Variants in ZNF385C observed in about 807,000 individuals in gnomAD.
ZNF385C encodes the protein CTD-2132N18.2.
A neutral mutation model predicts 35.4 loss-of-function variants in ZNF385C; 28 were observed. The ratio of observed to expected loss-of-function variants is 0.79; its 90% CI spans 0.59 to 1.08. ZNF385C has a LOEUF of 1.08. Among genes scored for constraint, ZNF385C ranks in the 50% least tolerant of loss-of-function variants. The pLI is 0.00. For missense variants in ZNF385C, 605 were observed against 595.6 expected, an observed-to-expected ratio of 1.02 and a Z score of -0.16; for synonymous variants, 248 against 248.2, an observed-to-expected ratio of 1.00 and a Z score of 0.01.
intron 2 of ZNF385C, among the ~76,000 whole-genome samples, chr17:42,041,784 C>T (rs1043008777): frequency 2.6e-5 from 4 of 152,144 alleles, no homozygotes; most frequent in Non-Finnish European, 4.4e-5. Flanking sequence ...ACCTCCAACC[C>T]AGCCCATAGG....
chr17:42,083,499 G>T (rs1383266462), intron 1 of ZNF385C, among the ~76,000 whole-genome samples: 2 of 151,702 alleles, frequency 1.3e-5, no homozygotes, highest in Non-Finnish European at 2.9e-5. Flanking sequence ...GAGCCACCGC[G>T]CCTGGCCATA....
At chr17:42,046,140 G>A (rs1278259596) in intron 2 of ZNF385C, among the ~76,000 whole-genome samples, 2 of 152,134 alleles carry the variant, frequency 1.3e-5, no homozygotes, top group South Asian at 2.1e-4. Context: ...CTCCCTATGC[G>A]TGAGTCTTCA....
chr17:42,066,862 T>TG (rs2053554335), intron 1 of ZNF385C, among the ~76,000 whole-genome samples: 1 of 150,226 alleles, frequency 6.7e-6, no homozygotes, highest in Admixed American at 6.7e-5. Context: ...AGATCAGGAG[T>TG]TCAAGACCAG....
Position 42,031,847 on chromosome 17 carries a change from C to T in ZNF385C, c.511-63G>A. On this transcript the variant is annotated intron_variant, in intron 4 of 8. Coordinates refer to ENST00000692273, the MANE Select transcript of ZNF385C (RefSeq NM_001392013.1). Reference sequence around the variant, plus strand: ...TGAGTCCACATGCCCCATCTGTGAACTGGAGCCCAGCAGGGGGACAGGTCA... The same window carrying T: ...TGAGTCCACATGCCCCATCTGTGAATTGGAGCCCAGCAGGGGGACAGGTCA... 5 of 1,523,464 alleles carry T rather than the reference C, an allele frequency of 3.3e-6. No individual in the cohort carries two copies. The South Asian group carries it at 5.0e-5, about 15-fold the overall frequency. The allele number at this position is 1,523,464 out of a possible 1,614,324, so 94.4% of individuals were successfully genotyped here. A position where few individuals can be genotyped will look rare whatever the true frequency, so the allele number is the denominator to read the frequency against.
intron 2 of ZNF385C, chr17:42,039,445 A>C: frequency 2.8e-6 from 1 of 362,592 alleles, no homozygotes. Flanking sequence ...TAACTGTGTA[A>C]AGGCCAGGAA....
chr17:42,027,514 G>A, intron 8 of ZNF385C, 104 bp downstream of exon 8: 4 of 967,800 alleles, frequency 4.1e-6, no homozygotes, highest in Non-Finnish European at 6.0e-6. Flanking sequence ...CTCATTGCAG[G>A]GTGGCCTCTT....
At chr17:42,057,983 G>A (rs1288452611) in intron 2 of ZNF385C, among the ~76,000 whole-genome samples, 1 of 152,032 alleles carries the variant, frequency 6.6e-6, no homozygotes, top group South Asian at 2.1e-4. Context: ...CTGGGCAGGA[G>A]ACAGATGGGG....
In ZNF385C at chr17:42,027,630, C is replaced by T. The variant is rs145333824; in HGVS notation, c.1263G>A (p.Val421=). The T allele has an allele frequency of 2.6e-5, 37 of 1,417,390 alleles. No individual in the cohort carries two copies. In the African/African-American group the frequency reaches 5.2e-4, roughly 20 times the overall value. The allele number at this position is 1,417,390 out of a possible 1,614,324, so 87.8% of individuals were successfully genotyped here. ...TGGAGACAGATACCTTGAGGATACTCACAGCCAGCGCTGCGTGCTTCTGCA... is the reference window on the plus strand; with the variant it reads ...TGGAGACAGATACCTTGAGGATACTTACAGCCAGCGCTGCGTGCTTCTGCA... ...SKLQKHAALA[V]SILKSKLALQ... The change falls in exon 8 of 9, where the codon GTG becomes GTA. Residue 421 remains valine (V), a synonymous_variant. Transcript: ENST00000692273.
rs1004173916 is a variant in ZNF385C at position 42,095,692 on chromosome 17, G to C, written c.-3+2718C>G. 6.6e-6 allele frequency among the ~76,000 whole-genome samples: 1 copy of C among 152,106 alleles called. No homozygotes were observed. The highest frequency in any genetic ancestry group is 2.4e-5 in the African/African-American group (1 of 41,380). On this transcript the variant is annotated intron_variant, in intron 1 of 8. Coordinates refer to ENST00000692273, the MANE Select transcript of ZNF385C (RefSeq NM_001392013.1). This position sits in a 1 kb window ranked among gnomAD's most constrained non-coding sequence, Gnocchi z 4.4. Reference sequence around the variant, plus strand: ...GCCCACAGGGGAACTGCTTGTTGATGACAACTGACAATCTTCATTTCACCT... The same window carrying C: ...GCCCACAGGGGAACTGCTTGTTGATCACAACTGACAATCTTCATTTCACCT...
chr17:42,098,278 GGGAT>G (rs2053937662), intron 1 of ZNF385C, 128 bp downstream of exon 1: 1 of 152,374 alleles, frequency 6.6e-6, no homozygotes, highest in South Asian at 2.1e-4. Flanking sequence ...AGCCGAGATA[GGGAT>G]ATCCTCACTG....
rs2052896975 is a variant in ZNF385C at position 42,037,815 on chromosome 17, G to A, written c.321C>T (p.Pro107=). ...SLPLPTRPLQ[P]PLDFKHLLAF... Reference sequence around the variant, plus strand: ...CGAGCAAGTGCTTGAAGTCCAGCGGGGGCTGCAGAGGCCGGGTGGGCAGGG... The same window carrying A: ...CGAGCAAGTGCTTGAAGTCCAGCGGAGGCTGCAGAGGCCGGGTGGGCAGGG... The change falls in exon 3 of 9, where the codon CCC becomes CCT. Residue 107 remains proline, a synonymous_variant. Coordinates refer to ENST00000692273, the MANE Select transcript of ZNF385C (RefSeq NM_001392013.1). 6.6e-7 allele frequency: 1 copy of A among 1,522,706 alleles called. No individual in the cohort carries two copies. Among genetic ancestry groups the A allele is most frequent in the Non-Finnish European group, 8.8e-7 (1 of 1,133,850 alleles). 94.3% of individuals were successfully genotyped at this position (1,522,706 alleles called of 1,614,324 possible). A position where few individuals can be genotyped will look rare whatever the true frequency, so the allele number is the denominator to read the frequency against.
intron 2 of ZNF385C, chr17:42,040,110 C>G (rs2052977628): frequency 1.6e-6 from 2 of 1,231,370 alleles, no homozygotes; most frequent in South Asian, 8.2e-5. Context: ...GCAGCACCCG[C>G]AGCGCCCCCT....
intron 4 of ZNF385C, among the ~76,000 whole-genome samples, chr17:42,033,243 T>C (rs782239523): frequency 2.6e-5 from 4 of 152,128 alleles, no homozygotes; most frequent in Admixed American, 6.5e-5. Context: ...TAACAGGAGG[T>C]AGACCTTCCC....
chr17:42,090,277 C>CTTT (rs1162613191), intron 1 of ZNF385C, among the ~76,000 whole-genome samples: 12 of 98,892 alleles, frequency 1.2e-4, no homozygotes, highest in Non-Finnish European at 1.8e-4. Context: ...CTCTTATTCC[C>CTTT]TTTTTTTTTT....
Position 42,027,617 on chromosome 17 carries a change from C to T in ZNF385C, c.1275+1G>A. ...CAGCTCTGTTGCCTGGAGACAGATA[C>T]CTTGAGGATACTCACAGCCAGCGCT... On this transcript the variant is annotated splice_donor_variant, in intron 8 of 8. Transcript: ENST00000692273. LOFTEE classifies it high-confidence loss of function. The T allele has an allele frequency of 2.3e-6, 3 of 1,330,408 alleles. No individual in the cohort carries two copies. Among genetic ancestry groups the T allele is most frequent in the Non-Finnish European group, 2.0e-6 (2 of 1,009,636 alleles). 82.4% of individuals were successfully genotyped at this position (1,330,408 alleles called of 1,614,324 possible).
chr17:42,029,004 G>A lies in ZNF385C; in HGVS notation c.746C>T (p.Pro249Leu). ...PPTPDPTCRE[P>L]AHSELLDAAS... is the part of the protein sequence containing the mutation. ...AGCATCCAAGAGCTCTGAGTGGGCTGGCTCCCTGCATGTAGGGTCTGGAGT... is the reference window on the plus strand; with the variant it reads ...AGCATCCAAGAGCTCTGAGTGGGCTAGCTCCCTGCATGTAGGGTCTGGAGT... The change falls in exon 6 of 9, where the codon CCA becomes CTA. Residue 249 changes from proline to leucine, a missense_variant. By Grantham distance (98) the Pro-to-Leu change is moderately conservative. Transcript: ENST00000692273. 6.4e-7 allele frequency: 1 copy of A among 1,550,476 alleles called. No homozygotes were observed. The highest frequency in any genetic ancestry group is 8.7e-7 in the Non-Finnish European group (1 of 1,147,000).
intron 1 of ZNF385C, among the ~76,000 whole-genome samples, chr17:42,076,332 G>A (rs2053684487): frequency 6.6e-6 from 1 of 152,196 alleles, no homozygotes; most frequent in Non-Finnish European, 1.5e-5. Context: ...TAAAGAGGGG[G>A]AGGCTCTGGC....
intron 1 of ZNF385C, among the ~76,000 whole-genome samples, chr17:42,067,817 G>T (rs536705043): frequency 2.6e-5 from 4 of 152,128 alleles, no homozygotes; most frequent in African/African-American, 9.7e-5. Flanking sequence ...CCCATTCCCC[G>T]GGTGGAGGCT....
At chr17:42,043,493 G>GCCCC in intron 2 of ZNF385C, 1 of 902,690 alleles carries the variant, frequency 1.1e-6, no homozygotes, top group Non-Finnish European at 1.5e-6. Context: ...CAGGCTGGGG[G>GCCCC]CAGCCCGCCA....
Sources: allele counts gnomAD v4.1 joint callset (sites outside exome capture counted in the v4.1 genomes callset), GRCh38; gene constraint gnomAD v4.1.1; non-coding constraint Gnocchi (gnomAD v3.1); transcripts MANE v1.5; gene names NCBI Gene and HGNC (gene_info 2026-07-23, HGNC 2026-07-21).